DNAH14: variants seen among roughly 807,000 people sequenced by gnomAD.
DNAH14 encodes the protein axonemal beta dynein heavy chain 14.
A neutral mutation model predicts 520.9 loss-of-function variants in DNAH14; 478 were observed. The ratio of observed to expected loss-of-function variants is 0.92; its 90% CI spans 0.85 to 0.99. The LOEUF (loss-of-function observed/expected upper bound fraction) is 0.99. Ranked by LOEUF, DNAH14 falls within the 50% of genes least tolerant of loss-of-function variation. DNAH14 has a pLI of 0.00. For synonymous variants in DNAH14, 1,581 were observed against 1,757.2 expected (o/e 0.90, Z 2.51); for missense variants, 4,831 against 5,234.5 (o/e 0.92, Z 2.38).
At chr1:225,008,575 CTTTTTTT>C (rs57331050) in intron 10 of DNAH14, among the ~76,000 whole-genome samples, 2 of 98,308 alleles carry the variant, frequency 2.0e-5, no homozygotes, top group African/African-American at 8.3e-5. Flanking sequence ...TTTTTCCTGA[CTTTTTTT>C]TTTTTTTTTT....
chr1:225,222,063 A>C (rs1369715585), intron 41 of DNAH14, among the ~76,000 whole-genome samples: 1 of 152,178 alleles, frequency 6.6e-6, no homozygotes, highest in Non-Finnish European at 1.5e-5. Flanking sequence ...CCACGCTGTC[A>C]GGCAACCTGT....
intron 21 of DNAH14, 74 bp from the exon 22 acceptor site, chr1:225,097,044 T>C (rs1558944222): frequency 5.4e-6 from 7 of 1,284,420 alleles, no homozygotes; most frequent in Non-Finnish European, 3.1e-6. Context: ...CTTTGATCTG[T>C]TTCTGTTATG....
intron 77 of DNAH14, among the ~76,000 whole-genome samples, chr1:225,372,356 A>C (rs1260062877): frequency 6.6e-6 from 1 of 152,164 alleles, no homozygotes; most frequent in East Asian, 1.9e-4. Context: ...CTATACTAAA[A>C]TCAATATTGT....
chr1:225,185,264 T>C (rs2084551590), intron 36 of DNAH14, 27 bp from the exon 37 acceptor site: 1 of 1,534,262 alleles, frequency 6.5e-7, no homozygotes, highest in African/African-American at 1.4e-5. Context: ...CATTAATGAA[T>C]GAATAAATCT....
intron 66 of DNAH14, among the ~76,000 whole-genome samples, chr1:225,335,353 GCATATACACGTGTACA>G: frequency 2.5e-5 from 1 of 39,420 alleles, no homozygotes; most frequent in Non-Finnish European, 4.9e-5. Flanking sequence ...GTGTGTATAT[GCATATACACGTGTACA>G]TGTGTGTGTA....
At chr1:225,149,867 C>G (rs1170590370) in intron 31 of DNAH14, among the ~76,000 whole-genome samples, 2 of 152,204 alleles carry the variant, frequency 1.3e-5, no homozygotes, top group African/African-American at 2.4e-5. Context: ...TCGACTTCCT[C>G]TCTTCCTATT....
chr1:225,379,384 G>T lies in DNAH14; in HGVS notation c.12717-775G>T, dbSNP rs2095750688. On this transcript the variant is annotated intron_variant, in intron 79 of 85. Transcript: ENST00000682510. ...GAAATGAATTCCATGGTCTCTGTAA[G>T]ATCATCCATAGCATAATTTTGTGGT... is the stretch of plus-strand genomic sequence containing the variant. 2.6e-5 allele frequency among the ~76,000 whole-genome samples: 4 copies of T among 152,174 alleles called. 1 individual carries two copies. The South Asian group carries it at 8.3e-4, about 31-fold the overall frequency.
intron 8 of DNAH14, among the ~76,000 whole-genome samples, 165 bp from the exon 9 acceptor site, chr1:225,002,618 A>G (rs2063849985): frequency 1.3e-5 from 2 of 152,104 alleles, no homozygotes; most frequent in Admixed American, 1.3e-4. Context: ...CAACATTATC[A>G]TCCAAACACA....
chr1:225,294,469 A>T (rs1464877828), intron 55 of DNAH14, among the ~76,000 whole-genome samples: 2 of 152,168 alleles, frequency 1.3e-5, no homozygotes, highest in African/African-American at 2.4e-5. Context: ...GTAAGGAATA[A>T]TTTCCTCTTT....
At chr1:225,132,472 T>G (rs546524830) in intron 27 of DNAH14, among the ~76,000 whole-genome samples, 1 of 152,278 alleles carries the variant, frequency 6.6e-6, no homozygotes, top group South Asian at 2.1e-4. Context: ...ATATGGTGTT[T>G]GGTTTTCTGT....
At chr1:225,142,221 GA>G (rs1464294518) in intron 28 of DNAH14, among the ~76,000 whole-genome samples, 1 of 152,090 alleles carries the variant, frequency 6.6e-6, no homozygotes, top group Admixed American at 6.5e-5. Context: ...AGCATATATA[GA>G]AAGGTAAACT....
At chr1:225,205,216 G>T (rs2087374404) in intron 39 of DNAH14, among the ~76,000 whole-genome samples, 1 of 152,118 alleles carries the variant, frequency 6.6e-6, no homozygotes, top group Non-Finnish European at 1.5e-5. Flanking sequence ...AACTCCCAAG[G>T]TGATGCTATT....
intron 60 of DNAH14, among the ~76,000 whole-genome samples, chr1:225,310,355 A>T (rs2094338338): frequency 6.6e-6 from 1 of 152,210 alleles, no homozygotes; most frequent in African/African-American, 2.4e-5. Flanking sequence ...TAAGTAAAGA[A>T]ATCACAACAA....
At chr1:225,285,991 A>G (rs1388166936) in intron 54 of DNAH14, among the ~76,000 whole-genome samples, 1 of 152,244 alleles carries the variant, frequency 6.6e-6, no homozygotes, top group Admixed American at 6.5e-5. Context: ...TAGTGCTGCA[A>G]TAAGTGGCAA....
intron 35 of DNAH14, among the ~76,000 whole-genome samples, chr1:225,163,137 C>CAAAAAAAAAAAAAA (rs34356854): frequency 1.9e-5 from 1 of 53,680 alleles, no homozygotes; most frequent in African/African-American, 6.8e-5. Flanking sequence ...GACCCTATCT[C>CAAAAAAAAAAAAAA]AAAAAAAAAA....
At chr1:225,317,778 T>A (rs1393925811) in intron 60 of DNAH14, among the ~76,000 whole-genome samples, 1 of 152,174 alleles carries the variant, frequency 6.6e-6, no homozygotes, top group Non-Finnish European at 1.5e-5. Context: ...CAGAGTAGCT[T>A]CTAGATGCAT....
At chr1:225,178,209 T>A (rs1463688860) in intron 36 of DNAH14, among the ~76,000 whole-genome samples, 1 of 152,198 alleles carries the variant, frequency 6.6e-6, no homozygotes, top group Non-Finnish European at 1.5e-5. Context: ...AATGGCTATG[T>A]ATTAGTCTGT....
At chr1:224,949,647 A>G (rs1424409522) in intron 1 of DNAH14, among the ~76,000 whole-genome samples, 1 of 152,164 alleles carries the variant, frequency 6.6e-6, no homozygotes, top group African/African-American at 2.4e-5. Context: ...AGTCAACCAC[A>G]CTATTCTTTA....
rs1489157098 is a variant in DNAH14, at chr1:225,353,656, T to C, written c.11534-147T>C. The C allele has an allele frequency of 8.5e-6, 5 of 589,986 alleles. 1 individual carries two copies. In the South Asian group the frequency reaches 1.0e-4, roughly 12 times the overall value. The allele number at this position is 589,986 out of a possible 1,614,324, so 36.5% of individuals were successfully genotyped here. A position where few individuals can be genotyped will look rare whatever the true frequency, so the allele number is the denominator to read the frequency against. ...ATAGCTAGTGATGCCTCAAAGCTTATAGAAATAAAGCTCACTTTAAAAGTC... is the reference window on the plus strand; with the variant it reads ...ATAGCTAGTGATGCCTCAAAGCTTACAGAAATAAAGCTCACTTTAAAAGTC... On this transcript the variant is annotated intron_variant, in intron 72 of 85. Coordinates refer to ENST00000682510, the MANE Select transcript of DNAH14 (RefSeq NM_001367479.1).
Sources: gnomAD v4.1 joint callset for allele counts (sites outside exome capture counted in the v4.1 genomes callset) on GRCh38, gnomAD v4.1.1 for gene constraint, MANE v1.5 for transcripts, NCBI Gene and HGNC (gene_info 2026-07-23, HGNC 2026-07-21) for gene names.